Variants in AFAP1L2 observed in about 807,000 individuals in gnomAD.
The protein encoded by AFAP1L2 is actin filament associated protein 1 like 2.
In AFAP1L2, 46 loss-of-function variants were observed where a neutral mutation model predicts 99.3. The observed-to-expected ratio is 0.46, with a 90% CI of 0.37 to 0.59. The LOEUF is 0.59. AFAP1L2 is among the 20% of genes least tolerant of loss of function. AFAP1L2 has a pLI of 0.00. For synonymous variants in AFAP1L2, 397 were observed against 419.1 expected, an observed-to-expected ratio of 0.95 and a Z score of 0.64; for missense variants, 959 against 1,034.9, an observed-to-expected ratio of 0.93 and a Z score of 1.01.
chr10:114,342,176 C>A (rs1223986848), intron 1 of AFAP1L2, among the ~76,000 whole-genome samples: 1 of 152,168 alleles, frequency 6.6e-6, no homozygotes, highest in Non-Finnish European at 1.5e-5. Context: ...CTTTCTCTGG[C>A]ACTAGCTGTG....
At chr10:114,354,090 G>A (rs949844018) in intron 1 of AFAP1L2, among the ~76,000 whole-genome samples, 14 of 152,120 alleles carry the variant, frequency 9.2e-5, no homozygotes, top group African/African-American at 2.9e-4. Flanking sequence ...GAACCTTCGC[G>A]CCTGAGTCCT....
chr10:114,321,813 G>C (rs2045391455), intron 5 of AFAP1L2, among the ~76,000 whole-genome samples: 2 of 152,196 alleles, frequency 1.3e-5, no homozygotes, highest in Non-Finnish European at 1.5e-5. Context: ...CTCAGGCTGA[G>C]AGCCATCAGC....
chr10:114,392,051 T>C (rs2057219136), intron 1 of AFAP1L2, among the ~76,000 whole-genome samples: 1 of 152,158 alleles, frequency 6.6e-6, no homozygotes, highest in South Asian at 2.1e-4. Flanking sequence ...TTATCTTAGC[T>C]AGGATAGCAA....
At chr10:114,397,390 T>G (rs1336956116) in intron 1 of AFAP1L2, among the ~76,000 whole-genome samples, 1 of 152,222 alleles carries the variant, frequency 6.6e-6, no homozygotes, top group Non-Finnish European at 1.5e-5. Flanking sequence ...CTTCTTTCAC[T>G]TAGCATACTG....
chr10:114,336,937 C>A (rs1053033418), intron 2 of AFAP1L2, among the ~76,000 whole-genome samples: 11 of 152,214 alleles, frequency 7.2e-5, no homozygotes, highest in African/African-American at 2.4e-4. Context: ...TGTAAATGCA[C>A]ACATACACAT....
chr10:114,335,328 T>C (rs891574779), intron 2 of AFAP1L2, among the ~76,000 whole-genome samples: 1 of 151,884 alleles, frequency 6.6e-6, no homozygotes, highest in African/African-American at 2.4e-5. Flanking sequence ...GAATACAACA[T>C]ATGGCCGGGC....
chr10:114,297,541 A>G (rs2040450068), intron 16 of AFAP1L2, 128 bp from the exon 17 acceptor site: 1 of 1,001,234 alleles, frequency 1.0e-6, no homozygotes, highest in Admixed American at 2.6e-5. Context: ...CCCAACACTC[A>G]GAGCCAGGAG....
intron 1 of AFAP1L2, among the ~76,000 whole-genome samples, chr10:114,402,267 TCATTTTG>T (rs781291307): frequency 1.1e-4 from 16 of 152,344 alleles, no homozygotes; most frequent in Admixed American, 2.0e-4. Flanking sequence ...GAGATGGGCT[TCATTTTG>T]CATTTTGCAT....
intron 4 of AFAP1L2, among the ~76,000 whole-genome samples, chr10:114,327,129 C>T (rs1264199561): frequency 4.7e-5 from 4 of 85,342 alleles, no homozygotes; most frequent in Admixed American, 3.2e-4. Flanking sequence ...TGGTGAAGAC[C>T]GTGAATTTTA....
At chr10:114,310,479 G>T (rs779934950) in intron 7 of AFAP1L2, 36 bp from the exon 8 acceptor site, 2 of 1,594,460 alleles carry the variant, frequency 1.3e-6, no homozygotes, top group South Asian at 2.3e-5. Context: ...AGAGGCTGAG[G>T]TCCTCTGGCC....
At chr10:114,311,505 C>A (rs550475989) in intron 7 of AFAP1L2, among the ~76,000 whole-genome samples, 3 of 152,232 alleles carry the variant, frequency 2.0e-5, no homozygotes, top group Non-Finnish European at 4.4e-5. Flanking sequence ...AGCACAGGCA[C>A]TAGGGTTGGC....
downstream of AFAP1L2, among the ~76,000 whole-genome samples, chr10:114,292,296 T>C (rs1039000655): frequency 1.3e-5 from 2 of 151,708 alleles, no homozygotes; most frequent in African/African-American, 4.8e-5. Context: ...AAAAATGTAC[T>C]TAGGAGGGGT....
At chr10:114,379,098 A>C (rs943247478) in intron 1 of AFAP1L2, among the ~76,000 whole-genome samples, 1 of 152,064 alleles carries the variant, frequency 6.6e-6, no homozygotes, top group Non-Finnish European at 1.5e-5. Context: ...CCATAATCCC[A>C]GCTACTCAGG....
At chr10:114,304,556 T>C (rs1334583116) in intron 11 of AFAP1L2, among the ~76,000 whole-genome samples, 163 bp downstream of exon 11, 3 of 152,156 alleles carry the variant, frequency 2.0e-5, no homozygotes, top group Admixed American at 6.5e-5. Flanking sequence ...AGAAAAGGAA[T>C]GGAAATTTTT....
chr10:114,313,731 G>T (rs570001380), intron 7 of AFAP1L2, 140 bp downstream of exon 7: 5 of 857,702 alleles, frequency 5.8e-6, no homozygotes, highest in African/African-American at 5.0e-5. Flanking sequence ...AAGACAGATC[G>T]TTACCACTTA....
chr10:114,288,402 A>C, the AFAP1L2 span, among the ~76,000 whole-genome samples: 5 of 152,196 alleles, frequency 3.3e-5, no homozygotes, highest in African/African-American at 1.2e-4. Context: ...TACAGCATCT[A>C]ATTAGTGCCC....
intron 1 of AFAP1L2, among the ~76,000 whole-genome samples, chr10:114,368,602 A>T (rs1190769539): frequency 3.9e-5 from 6 of 152,036 alleles, no homozygotes; most frequent in African/African-American, 1.4e-4. Flanking sequence ...TTCTGTAGAG[A>T]TGGGGTTTTG....
chr10:114,297,085 G>A lies in AFAP1L2; in HGVS notation c.2323C>T (p.Pro775Ser). The A allele has an allele frequency of 6.2e-7, 1 of 1,614,230 alleles. No individual in the cohort carries two copies. The highest frequency in any genetic ancestry group is 8.5e-7 in the Non-Finnish European group (1 of 1,180,036). Residue 775 changes from proline to serine, a missense_variant, in exon 18 of 19, where the codon CCT becomes TCT. By Grantham distance (74) the Pro-to-Ser change is moderately conservative (BLOSUM62 -1). This residue lies in a region of AFAP1L2 where 576 missense variants were observed against 562.1 expected (regional missense o/e 1.02). Coordinates refer to ENST00000304129, the MANE Select transcript of AFAP1L2 (RefSeq NM_001001936.3). Reference sequence around the variant, plus strand: ...GGGGTACAGTCTGGGGCAGAGGCAGGTGTGACAGCTTTGGGCTGTGGTTAT... The same window carrying A: ...GGGGTACAGTCTGGGGCAGAGGCAGATGTGACAGCTTTGGGCTGTGGTTAT... The part of the protein sequence containing the change: ...NVSPRPKAVT[P>S]ASAPDCTPVN...
intron 2 of AFAP1L2, among the ~76,000 whole-genome samples, chr10:114,339,883 C>T (rs969648520): frequency 2.0e-5 from 3 of 150,728 alleles, no homozygotes; most frequent in Non-Finnish European, 4.4e-5. Context: ...TGGTGGTGGG[C>T]GCCTGTAATC....
Sources: allele counts gnomAD v4.1 joint callset (sites outside exome capture counted in the v4.1 genomes callset), GRCh38; gene constraint gnomAD v4.1.1; regional missense constraint gnomAD v4.1.1; transcripts MANE v1.5; gene names NCBI Gene and HGNC (gene_info 2026-07-23, HGNC 2026-07-21).